The following AK5 variants were observed in gnomAD, a reference collection of about 807,000 sequenced individuals.
AK5 encodes the protein adenylate kinase isoenzyme 5.
AK5 carries 27 observed loss-of-function variants against 69.5 expected under a neutral mutation model. The ratio of observed to expected loss-of-function variants is 0.39; its 90% CI spans 0.29 to 0.54. The LOEUF (loss-of-function observed/expected upper bound fraction) is 0.54. AK5 is among the 20% of genes least tolerant of loss of function. The pLI is 0.71. For missense variants in AK5, 531 were observed against 700.4 expected (o/e 0.76, Z 2.73); for synonymous variants, 260 against 244.4 (o/e 1.06, Z -0.60).
chr1:77,408,245 C>T (rs1570518929), intron 6 of AK5, among the ~76,000 whole-genome samples: 2 of 152,130 alleles, frequency 1.3e-5, no homozygotes, highest in African/African-American at 4.8e-5. Context: ...AATTTGTATT[C>T]CCACCAATAG....
intron 6 of AK5, among the ~76,000 whole-genome samples, chr1:77,341,889 T>G (rs1466172731): frequency 3.3e-5 from 5 of 151,982 alleles, no homozygotes; most frequent in Non-Finnish European, 4.4e-5. Context: ...TATTGTTTGG[T>G]TTTTGTTTTG....
At chr1:77,442,701 G>A (rs926609905) in intron 8 of AK5, among the ~76,000 whole-genome samples, 1 of 152,094 alleles carries the variant, frequency 6.6e-6, no homozygotes, top group Non-Finnish European at 1.5e-5. Context: ...TGTTTTATCT[G>A]TCTTTGTTGA....
chr1:77,408,865 T>G (rs1649837362), intron 6 of AK5, among the ~76,000 whole-genome samples: 1 of 152,222 alleles, frequency 6.6e-6, no homozygotes, highest in Non-Finnish European at 1.5e-5. Context: ...CACCCAGGTA[T>G]TAAGCCCGGT....
chr1:77,397,042 A>C (rs576816917), intron 6 of AK5, among the ~76,000 whole-genome samples: 1 of 152,344 alleles, frequency 6.6e-6, no homozygotes, highest in African/African-American at 2.4e-5. Flanking sequence ...ATAGTCAGCT[A>C]CCAGGTGTTA....
intron 8 of AK5, among the ~76,000 whole-genome samples, chr1:77,459,387 C>G (rs1653691861): frequency 6.6e-6 from 1 of 152,102 alleles, no homozygotes; most frequent in Non-Finnish European, 1.5e-5. Flanking sequence ...TTGTCTTTGC[C>G]AATTTATTTC....
intron 8 of AK5, among the ~76,000 whole-genome samples, chr1:77,469,184 A>G (rs1273361151): frequency 2.0e-5 from 3 of 152,320 alleles, no homozygotes; most frequent in Non-Finnish European, 4.4e-5. Context: ...GCTGGGCTCT[A>G]TTGATCTCAG....
chr1:77,308,200 G>T (rs774146757), intron 5 of AK5, among the ~76,000 whole-genome samples: 3 of 152,036 alleles, frequency 2.0e-5, no homozygotes, highest in African/African-American at 7.2e-5. Context: ...ACCACAAGCC[G>T]CTTGCAGTGC....
At chr1:77,548,150 A>G (rs942865822) in intron 13 of AK5, among the ~76,000 whole-genome samples, 2 of 152,234 alleles carry the variant, frequency 1.3e-5, no homozygotes, top group African/African-American at 4.8e-5. Flanking sequence ...TGCACGTACT[A>G]TGGGAAGTCC....
At chr1:77,496,124 G>C (rs1656300510) in intron 10 of AK5, among the ~76,000 whole-genome samples, 1 of 152,204 alleles carries the variant, frequency 6.6e-6, no homozygotes, top group Non-Finnish European at 1.5e-5. Context: ...CAAGACTGAA[G>C]TAGGGATCAG....
intron 6 of AK5, among the ~76,000 whole-genome samples, chr1:77,352,857 T>C (rs1662284217): frequency 6.6e-6 from 1 of 152,174 alleles, no homozygotes; most frequent in Non-Finnish European, 1.5e-5. Context: ...ATAAGTTATT[T>C]GGCAGCTTCT....
chr1:77,290,916 A>G lies in AK5; in HGVS notation c.248-2877A>G, dbSNP rs560334159. ...CAGTAGAAATATAAGCAGGAGCACA[A>G]TGGCACTATAGGAAAATCATAGGTT... On this transcript the variant is annotated intron_variant, in intron 2 of 13. Transcript: ENST00000354567. 7.9e-4 allele frequency among the ~76,000 whole-genome samples: 120 copies of G among 152,316 alleles called. 1 individual carries two copies. The highest frequency in any genetic ancestry group is 2.7e-3 in the African/African-American group (114 of 41,570).
At chr1:77,480,062 A>G (rs1655164877) in intron 8 of AK5, among the ~76,000 whole-genome samples, 1 of 152,198 alleles carries the variant, frequency 6.6e-6, no homozygotes, top group South Asian at 2.1e-4. Context: ...TTTAGTGCTT[A>G]CAGGGGCTGT....
At position 77,336,625 on chromosome 1, in the gene AK5, T is replaced by G. The variant is rs137872126; in HGVS notation, c.700-3752T>G. On this transcript the variant is annotated intron_variant, in intron 5 of 13. Transcript: ENST00000354567. ...GCTACAGTATTATAATATTCTGTGG[T>G]TTTTTTTGTGTGTGTGTACTTACTA... is the stretch of plus-strand genomic sequence containing the variant. Among the ~76,000 whole-genome samples, 473 of 152,024 alleles carry G rather than the reference T, an allele frequency of 3.1e-3. 1 individual carries two copies. The highest frequency in any genetic ancestry group is 0.011 in the African/African-American group (454 of 41,426).
At chr1:77,555,015 G>A (rs1660028672) in intron 13 of AK5, among the ~76,000 whole-genome samples, 1 of 152,010 alleles carries the variant, frequency 6.6e-6, no homozygotes, top group South Asian at 2.1e-4. Context: ...TACATGGGCT[G>A]GGCACCTGTA....
At chr1:77,542,989 T>A (rs1421433472) in intron 13 of AK5, among the ~76,000 whole-genome samples, 1 of 152,254 alleles carries the variant, frequency 6.6e-6, no homozygotes, top group Non-Finnish European at 1.5e-5. Flanking sequence ...TTGGCAACTC[T>A]GCTTTTGTAG....
chr1:77,463,611 T>A (rs2251456), intron 8 of AK5, among the ~76,000 whole-genome samples: 49,792 of 149,310 alleles, frequency 0.33, 8,653 homozygotes, highest in East Asian at 0.59. Context: ...ACCTATGGAG[T>A]CCTCTCAAAA....
chr1:77,549,835 CTTTTTTT>C (rs1659733338), intron 13 of AK5, among the ~76,000 whole-genome samples: 1 of 145,874 alleles, frequency 6.9e-6, no homozygotes, highest in African/African-American at 2.5e-5. Context: ...TTTCTTTTTT[CTTTTTTT>C]GAGACAGGAT....
At chr1:77,358,507 A>G (rs1004899711) in intron 6 of AK5, among the ~76,000 whole-genome samples, 5 of 152,166 alleles carry the variant, frequency 3.3e-5, no homozygotes, top group African/African-American at 1.2e-4. Context: ...TCTGCAGATC[A>G]CTCTGAGGAT....
chr1:77,352,114 G>A (rs926173662), intron 6 of AK5, among the ~76,000 whole-genome samples: 2 of 151,996 alleles, frequency 1.3e-5, no homozygotes, highest in African/African-American at 2.4e-5. Context: ...ATTTTTAGTA[G>A]AGACTGGGTT....
Sources: allele counts gnomAD v4.1 joint callset (sites outside exome capture counted in the v4.1 genomes callset), GRCh38; gene constraint gnomAD v4.1.1; transcripts MANE v1.5; gene names NCBI Gene and HGNC (gene_info 2026-07-23, HGNC 2026-07-21).